Variants in CHRM2 observed in about 807,000 individuals in gnomAD.
CHRM2 encodes the protein muscarinic acetylcholine receptor M2.
In CHRM2, 8 loss-of-function variants were observed where a neutral mutation model predicts 25.0. The observed-to-expected ratio is 0.32, with a 90% CI of 0.19 to 0.58. The LOEUF is 0.58. Ranked by LOEUF, CHRM2 falls within the 20% of genes least tolerant of loss-of-function variation. CHRM2 has a pLI of 0.88. For synonymous variants in CHRM2, 202 were observed against 205.7 expected, an observed-to-expected ratio of 0.98 and a Z score of 0.15; for missense variants, 440 against 567.1, an observed-to-expected ratio of 0.78 and a Z score of 2.28.
chr7:136,983,236 C>A (rs1273512457), intron 2 of CHRM2, among the ~76,000 whole-genome samples: 1 of 152,132 alleles, frequency 6.6e-6, no homozygotes, highest in African/African-American at 2.4e-5. Context: ...ATCAATTCAG[C>A]TATTCATACT....
At chr7:136,890,622 C>G (rs1796653841) in intron 2 of CHRM2, among the ~76,000 whole-genome samples, 1 of 152,164 alleles carries the variant, frequency 6.6e-6, no homozygotes, top group Non-Finnish European at 1.5e-5. Flanking sequence ...CCGCTGAGCT[C>G]CAGTGAGTAC....
chr7:136,968,701 A>G (rs1209632940), intron 2 of CHRM2, among the ~76,000 whole-genome samples: 1 of 140,100 alleles, frequency 7.1e-6, no homozygotes, highest in Non-Finnish European at 1.5e-5. Flanking sequence ...ATATTTTATT[A>G]TATATATTGT....
At chr7:136,874,567 GC>G (rs1350306068) in intron 2 of CHRM2, among the ~76,000 whole-genome samples, 3 of 70,954 alleles carry the variant, frequency 4.2e-5, no homozygotes, top group South Asian at 5.2e-4. Context: ...CTCTCTCTCT[GC>G]CCCCCCTCTC....
intron 2 of CHRM2, among the ~76,000 whole-genome samples, chr7:136,924,769 C>T (rs1040598111): frequency 1.3e-5 from 2 of 152,160 alleles, no homozygotes; most frequent in African/African-American, 4.8e-5. Context: ...ACACTCTGCT[C>T]CAGGCAGCCC....
intron 2 of CHRM2, among the ~76,000 whole-genome samples, chr7:136,883,113 C>T (rs1164991225): frequency 3.3e-5 from 5 of 152,110 alleles, no homozygotes; most frequent in Non-Finnish European, 7.4e-5. Flanking sequence ...TGCTCTCTTA[C>T]GTAGGGCTTA....
At chr7:136,890,979 A>G (rs1796668710) in intron 2 of CHRM2, among the ~76,000 whole-genome samples, 1 of 152,172 alleles carries the variant, frequency 6.6e-6, no homozygotes, top group African/African-American at 2.4e-5. Context: ...TTCTCACCTT[A>G]TAAACGATCC....
chr7:137,009,844 C>T (rs55761735), intron 3 of CHRM2, among the ~76,000 whole-genome samples: 2,249 of 151,876 alleles, frequency 0.015, 30 homozygotes, highest in Middle Eastern at 0.037. Flanking sequence ...TTAATATTAT[C>T]GATAATTTAA....
At chr7:136,973,956 C>T (rs1584857306) in intron 2 of CHRM2, among the ~76,000 whole-genome samples, 1 of 152,110 alleles carries the variant, frequency 6.6e-6, no homozygotes, top group East Asian at 1.9e-4. Flanking sequence ...CTATTTGATT[C>T]TTAAGAATGG....
At position 136,961,069 on chromosome 7, in the gene CHRM2, G is replaced by A. The variant is rs549929443; in HGVS notation, c.-124-31118G>A. 8.5e-4 allele frequency among the ~76,000 whole-genome samples: 129 copies of A among 152,082 alleles called. 1 individual carries two copies. The highest frequency in any genetic ancestry group is 1.5e-3 in the Non-Finnish European group (102 of 68,012). On this transcript the variant is annotated intron_variant, in intron 2 of 3. Transcript: ENST00000680005. ...GAACCCAGAAGGTGGAGATTGCAGC[G>A]AGCCAAGATGGCGCCACTGCACTCC... is the stretch of plus-strand genomic sequence containing the variant.
rs17168864 is a variant in CHRM2, at chr7:136,993,431, T to C, written c.-47+1167T>C. On this transcript the variant is annotated intron_variant, in intron 3 of 3. Transcript: ENST00000680005. Reference sequence around the variant, plus strand: ...ACCACCTTTGACAGTGGGCCAATTGTTTTTAGATAAACAAAAATTGTTAGT... The same window carrying C: ...ACCACCTTTGACAGTGGGCCAATTGCTTTTAGATAAACAAAAATTGTTAGT... Among the ~76,000 whole-genome samples, 905 of 152,320 alleles carry C rather than the reference T, an allele frequency of 5.9e-3. 10 individuals are homozygous for C. The highest frequency in any genetic ancestry group is 0.021 in the African/African-American group (864 of 41,574).
chr7:136,948,023 A>C (rs1245614669), intron 2 of CHRM2, among the ~76,000 whole-genome samples: 1 of 152,116 alleles, frequency 6.6e-6, no homozygotes, highest in African/African-American at 2.4e-5. Flanking sequence ...TCTTCTCTTC[A>C]TTGTGGTTCC....
intron 3 of CHRM2, among the ~76,000 whole-genome samples, chr7:136,999,874 T>C (rs758997096): frequency 5.3e-5 from 8 of 151,838 alleles, no homozygotes; most frequent in Non-Finnish European, 7.3e-5. Context: ...TACAAACTTA[T>C]AGAGTCCAGT....
intron 2 of CHRM2, among the ~76,000 whole-genome samples, chr7:136,991,631 G>A (rs1472099335): frequency 6.6e-6 from 1 of 152,062 alleles, no homozygotes; most frequent in Admixed American, 6.6e-5. Flanking sequence ...CTACCATCTG[G>A]AGGTGAGGAG....
At chr7:136,963,834 G>C (rs564704205) in intron 2 of CHRM2, among the ~76,000 whole-genome samples, 15 of 152,148 alleles carry the variant, frequency 9.9e-5, no homozygotes, top group Non-Finnish European at 1.5e-4. Context: ...TGTGCTTCCA[G>C]TGTTGAGATC....
At position 136,875,476 on chromosome 7, in the gene CHRM2, G is replaced by A. The variant is rs1314021848; in HGVS notation, c.-125+6058G>A. ...AATCTGTTCCCTCAGAGGCTTCCCT[G>A]GAATCCATCCCCCTCTTTCCATCCG... On this transcript the variant is annotated intron_variant, in intron 2 of 3. Transcript: ENST00000680005. 5.3e-5 allele frequency among the ~76,000 whole-genome samples: 8 copies of A among 152,074 alleles called. No individual in the cohort carries two copies. In the South Asian group the frequency reaches 1.5e-3, roughly 28 times the overall value.
chr7:136,887,310 G>T (rs1279057927), intron 2 of CHRM2, among the ~76,000 whole-genome samples: 1 of 146,578 alleles, frequency 6.8e-6, no homozygotes, highest in Non-Finnish European at 1.5e-5. Context: ...AAGGATTAAT[G>T]TATCCATCAC....
In CHRM2 at chr7:136,924,973, C is replaced by T. The variant is rs569322411; in HGVS notation, c.-125+55555C>T. 3.3e-5 allele frequency among the ~76,000 whole-genome samples: 5 copies of T among 152,270 alleles called. No homozygotes were observed. In the South Asian group the frequency reaches 8.3e-4, roughly 25 times the overall value. On this transcript the variant is annotated intron_variant, in intron 2 of 3. Transcript: ENST00000680005. Reference sequence around the variant, plus strand: ...CCATAGTTTTATAATCATTTGTTGACTCCTCCATTCAGAAAGCACTTATCA... The same window carrying T: ...CCATAGTTTTATAATCATTTGTTGATTCCTCCATTCAGAAAGCACTTATCA...
intron 2 of CHRM2, among the ~76,000 whole-genome samples, chr7:136,956,999 T>TC (rs914640525): frequency 1.9e-4 from 29 of 152,012 alleles, no homozygotes; most frequent in Admixed American, 5.2e-4. Context: ...CTGGCGGGAC[T>TC]CCCCCTACTC....
At chr7:136,950,091 T>A (rs1366048082) in intron 2 of CHRM2, among the ~76,000 whole-genome samples, 1 of 152,218 alleles carries the variant, frequency 6.6e-6, no homozygotes, top group Non-Finnish European at 1.5e-5. Context: ...ACTTGCATTT[T>A]TCTGACTAAT....
Sources: allele counts gnomAD v4.1 joint callset (sites outside exome capture counted in the v4.1 genomes callset), GRCh38; gene constraint gnomAD v4.1.1; transcripts MANE v1.5; gene names NCBI Gene and HGNC (gene_info 2026-07-23, HGNC 2026-07-21).